Variants in KHDRBS2 observed in about 807,000 individuals in gnomAD.
KHDRBS2 encodes the protein KH RNA binding domain containing, signal transduction associated 2.
Under a neutral mutation model 44.3 loss-of-function variants are expected in KHDRBS2, and 26 were observed. The ratio of observed to expected loss-of-function variants is 0.59; its 90% confidence interval spans 0.43 to 0.81. The LOEUF (loss-of-function observed/expected upper bound fraction) is 0.81, where lower values mean the gene tolerates loss of function less well. KHDRBS2 is among the 40% of genes least tolerant of loss of function. The pLI is 0.00. For synonymous variants in KHDRBS2, 194 were observed against 151.1 expected, an observed-to-expected ratio of 1.28 and a Z score of -2.08; for missense variants, 476 against 433.1, an observed-to-expected ratio of 1.10 and a Z score of -0.88.
At chr6:62,067,099 C>T (rs1323139638) in intron 2 of KHDRBS2, among the ~76,000 whole-genome samples, 4 of 151,358 alleles carry the variant, frequency 2.6e-5, no homozygotes, top group Non-Finnish European at 5.9e-5. Context: ...TCAATCTGTT[C>T]AATTAGATAG....
At position 61,681,080 on chromosome 6, in the gene KHDRBS2, A is replaced by G. The variant is rs1314723180; in HGVS notation, c.953-20T>C. Reference sequence around the variant, plus strand: ...CTGGTGCTGTGAAAAAGAGAAAGATAGTAACACACACATGACTTCACAGTT... The same window carrying G: ...CTGGTGCTGTGAAAAAGAGAAAGATGGTAACACACACATGACTTCACAGTT... On this transcript the variant is annotated intron_variant, in intron 8 of 8. Coordinates refer to ENST00000281156, the MANE Select transcript of KHDRBS2 (RefSeq NM_152688.4). 7.2e-6 allele frequency: 11 copies of G among 1,527,462 alleles called. No homozygotes were observed. In the East Asian group the frequency reaches 2.5e-4, roughly 34 times the overall value. The allele number at this position is 1,527,462 out of a possible 1,614,324, so 94.6% of individuals were successfully genotyped here. A position where few individuals can be genotyped will look rare whatever the true frequency, so the allele number is the denominator to read the frequency against.
chr6:62,022,115 G>C (rs1257229083), intron 3 of KHDRBS2, among the ~76,000 whole-genome samples: 1 of 150,682 alleles, frequency 6.6e-6, no homozygotes, highest in Non-Finnish European at 1.5e-5. Context: ...ATAATTGTTA[G>C]GATTTAACAT....
chr6:62,109,397 G>A lies in KHDRBS2; in HGVS notation c.220-61403C>T, dbSNP rs565236230. Among the ~76,000 whole-genome samples, 16 of 151,764 alleles carry A rather than the reference G, an allele frequency of 1.1e-4. No homozygotes were observed. In the South Asian group the frequency reaches 2.9e-3, roughly 28 times the overall value. On this transcript the variant is annotated intron_variant, in intron 2 of 8. Coordinates refer to ENST00000281156, the MANE Select transcript of KHDRBS2 (RefSeq NM_152688.4). The stretch of plus-strand genomic sequence containing the variant: ...AATTCTATAGCTAATATCATACTTA[G>A]TGGGACAAGAGATTATATAAAGATT...
intron 6 of KHDRBS2, among the ~76,000 whole-genome samples, chr6:61,737,851 T>C (rs1775613916): frequency 6.6e-6 from 1 of 151,888 alleles, no homozygotes; most frequent in South Asian, 2.1e-4. Context: ...TTAAGACCAA[T>C]AAAGTTGTAG....
At chr6:61,867,746 G>A (rs760324297) in intron 6 of KHDRBS2, among the ~76,000 whole-genome samples, 5 of 152,012 alleles carry the variant, frequency 3.3e-5, no homozygotes, top group Non-Finnish European at 4.4e-5. Context: ...CTTAGTCACC[G>A]CAGCTTTTCC....
At chr6:61,624,456 C>T in the KHDRBS2 span, among the ~76,000 whole-genome samples, 1 of 152,190 alleles carries the variant, frequency 6.6e-6, no homozygotes, top group East Asian at 1.9e-4. Flanking sequence ...GATAGAAATA[C>T]TTTTATTACG....
intron 2 of KHDRBS2, among the ~76,000 whole-genome samples, chr6:62,157,148 G>T (rs761801947): frequency 1.3e-5 from 2 of 151,356 alleles, no homozygotes; most frequent in Non-Finnish European, 2.9e-5. Context: ...GAGGTCAAGT[G>T]ATCGAGACCA....
At chr6:61,749,256 A>G (rs1777318667) in intron 6 of KHDRBS2, among the ~76,000 whole-genome samples, 1 of 151,844 alleles carries the variant, frequency 6.6e-6, no homozygotes, top group African/African-American at 2.4e-5. Context: ...CTTGTGATCC[A>G]CATGCCTCGG....
At chr6:61,646,231 T>A in the KHDRBS2 span, among the ~76,000 whole-genome samples, 3 of 152,164 alleles carry the variant, frequency 2.0e-5, no homozygotes, top group African/African-American at 7.2e-5. Flanking sequence ...TGGCAGTTTT[T>A]AGTTATAGGA....
At chr6:61,563,258 G>A in the KHDRBS2 span, among the ~76,000 whole-genome samples, 1 of 152,004 alleles carries the variant, frequency 6.6e-6, no homozygotes, top group East Asian at 1.9e-4. Context: ...TATTGCTTTT[G>A]TCATGTCAAT....
chr6:61,816,389 A>T (rs1239525539), intron 6 of KHDRBS2, among the ~76,000 whole-genome samples: 1 of 152,066 alleles, frequency 6.6e-6, no homozygotes, highest in Non-Finnish European at 1.5e-5. Context: ...CCGTGTGAAG[A>T]CAGAGACATA....
chr6:62,053,623 T>A (rs929946397), intron 2 of KHDRBS2, among the ~76,000 whole-genome samples: 3 of 151,900 alleles, frequency 2.0e-5, no homozygotes, highest in Non-Finnish European at 4.4e-5. Flanking sequence ...GGAAACATCA[T>A]CAGTCAATAG....
chr6:62,259,883 T>A (rs1465915909), intron 1 of KHDRBS2, among the ~76,000 whole-genome samples: 1 of 152,074 alleles, frequency 6.6e-6, no homozygotes, highest in East Asian at 1.9e-4. Context: ...TACTCTGATA[T>A]GGAAAATATG....
intron 1 of KHDRBS2, among the ~76,000 whole-genome samples, chr6:62,258,566 T>C (rs1408100841): frequency 6.6e-6 from 1 of 152,040 alleles, no homozygotes; most frequent in Admixed American, 6.6e-5. Context: ...ACACCTTTGC[T>C]TTCTGATGTT....
chr6:61,975,653 G>GCACACACACA (rs567222441), intron 4 of KHDRBS2, among the ~76,000 whole-genome samples: 7,712 of 88,264 alleles, frequency 0.087, 327 homozygotes, highest in African/African-American at 0.15. Context: ...TAAGCAAGAT[G>GCACACACACA]CACACACACA....
At chr6:62,264,438 T>C (rs1838856171) in intron 1 of KHDRBS2, among the ~76,000 whole-genome samples, 1 of 151,794 alleles carries the variant, frequency 6.6e-6, no homozygotes, top group Admixed American at 6.6e-5. Flanking sequence ...ACATTCCAAT[T>C]TAAACAGAAA....
At chr6:62,184,925 C>A (rs1823119811) in intron 1 of KHDRBS2, among the ~76,000 whole-genome samples, 1 of 151,782 alleles carries the variant, frequency 6.6e-6, no homozygotes, top group Admixed American at 6.6e-5. Context: ...TAATATTAAT[C>A]CAACAGTCCA....
At chr6:61,929,614 AAG>A (rs1426135671) in intron 4 of KHDRBS2, among the ~76,000 whole-genome samples, 12 of 152,164 alleles carry the variant, frequency 7.9e-5, no homozygotes, top group African/African-American at 2.7e-4. Flanking sequence ...ACATATCACA[AAG>A]AGAGATAAAA....
chr6:62,084,396 A>G (rs527238504), intron 2 of KHDRBS2, among the ~76,000 whole-genome samples: 1 of 152,298 alleles, frequency 6.6e-6, no homozygotes, highest in South Asian at 2.1e-4. Flanking sequence ...GATAACAGAT[A>G]TTTTCCCCAT....
Sources: allele counts gnomAD v4.1 joint callset (sites outside exome capture counted in the v4.1 genomes callset), GRCh38; gene constraint gnomAD v4.1.1; transcripts MANE v1.5; gene names NCBI Gene and HGNC (gene_info 2026-07-23, HGNC 2026-07-21).